CFAP251: variants seen among roughly 807,000 people sequenced by gnomAD.
The protein encoded by CFAP251 is cilia- and flagella-associated protein 251.
Under a neutral mutation model 126.7 loss-of-function variants are expected in CFAP251, and 93 were observed. The ratio of observed to expected loss-of-function variants is 0.73; its 90% CI spans 0.62 to 0.87. CFAP251 has a LOEUF of 0.87. CFAP251 is among the 40% of genes least tolerant of loss of function. CFAP251 has a pLI of 0.00. For synonymous variants in CFAP251, 503 were observed against 506.9 expected, an observed-to-expected ratio of 0.99 and a Z score of 0.10; for missense variants, 1,287 against 1,389.2, an observed-to-expected ratio of 0.93 and a Z score of 1.17.
intron 5 of CFAP251, 66 bp from the exon 6 acceptor site, chr12:121,942,468 C>T (rs1198908907): frequency 8.5e-7 from 1 of 1,177,782 alleles, no homozygotes; most frequent in Non-Finnish European, 1.2e-6. Context: ...CTCAGACCTG[C>T]CCTGGGACTC....
Position 121,958,336 on chromosome 12 carries a change from G to T in CFAP251, c.1795G>T (p.Glu599Ter), listed in dbSNP as rs1881801220. The change falls in exon 12 of 22, where the codon GAG becomes TAG. Residue 599 changes from glutamate to a stop codon, truncating the protein, a stop_gained. Transcript: ENST00000288912. LOFTEE classifies it high-confidence loss of function. ...CTTAACAACAGATGGGACCAAACTT[G>T]AGAAGTTATTTGTAGAGCCCAAGGA... ...YHLTTDGTKL[E>*]KLFVEPKDAI... 1 of 1,614,068 alleles carries T rather than the reference G, an allele frequency of 6.2e-7. No individual in the cohort carries two copies. Among genetic ancestry groups the T allele is most frequent in the Non-Finnish European group, 8.5e-7 (1 of 1,180,052 alleles).
rs1472559361 is a variant in CFAP251, at chr12:122,003,908, T to C, written c.*144T>C. The C allele has an allele frequency of 5.2e-6, 3 of 582,010 alleles. No homozygotes were observed. The highest frequency in any genetic ancestry group is 4.2e-4 in the Middle Eastern group (1 of 2,404). 36.1% of individuals were successfully genotyped at this position (582,010 alleles called of 1,614,324 possible). A position where few individuals can be genotyped will look rare whatever the true frequency, so the allele number is the denominator to read the frequency against. ...TTTAGACATTAAAGCAAGTTTCTGG[T>C]GAGCAATGGAATTCACAAAGTTGGA... On this transcript the variant is annotated 3_prime_UTR_variant, in exon 22 of 22. Transcript: ENST00000288912.
chr12:121,999,974 C>T (rs1048849510), intron 20 of CFAP251, 30 bp downstream of exon 20: 22 of 1,574,452 alleles, frequency 1.4e-5, no homozygotes, highest in Non-Finnish European at 1.9e-5. Flanking sequence ...TGTCTGGTAA[C>T]ATCCTGGGGC....
At chr12:121,922,848 G>A (rs769417909) in intron 2 of CFAP251, among the ~76,000 whole-genome samples, 8 of 152,088 alleles carry the variant, frequency 5.3e-5, no homozygotes, top group Non-Finnish European at 1.0e-4. Context: ...GGAGTACAGT[G>A]GTGCAATCTT....
chr12:121,958,235 A>G, intron 11 of CFAP251, 37 bp from the exon 12 acceptor site: 1 of 1,609,714 alleles, frequency 6.2e-7, no homozygotes, highest in Non-Finnish European at 8.5e-7. Context: ...CATTCCCTGC[A>G]AACACTGATA....
At chr12:121,975,357 C>T (rs779226126) in intron 18 of CFAP251, 23 bp downstream of exon 18, 7 of 1,604,946 alleles carry the variant, frequency 4.4e-6, no homozygotes, top group East Asian at 4.5e-5. Flanking sequence ...AGAGTAAACA[C>T]CTCCTGGTAA....
rs1453897688 is a variant in CFAP251, at chr12:121,966,982, T to C, written c.2520T>C (p.Gly840=). The change falls in exon 16 of 22, where the codon GGT becomes GGC. Residue 840 remains glycine, a synonymous_variant. Coordinates refer to ENST00000288912, the MANE Select transcript of CFAP251 (RefSeq NM_144668.6). ...CRKTLLGPAY[G]SPIEQTQVLP... ...AGACGCTTCTGGGGCCAGCTTATGG[T>C]TCCCCTATTGAGCAGACACAAGTCC... is the stretch of plus-strand genomic sequence containing the variant. The C allele has an allele frequency of 6.2e-7, 1 of 1,614,198 alleles. No homozygotes were observed. The highest frequency in any genetic ancestry group is 8.5e-7 in the Non-Finnish European group (1 of 1,180,028).
intron 19 of CFAP251, 101 bp downstream of exon 19, chr12:121,975,786 TC>T: frequency 7.6e-7 from 1 of 1,309,606 alleles, no homozygotes; most frequent in Non-Finnish European, 1.0e-6. Context: ...TGCACATTTT[TC>T]TTGCATAAAT....
intron 19 of CFAP251, among the ~76,000 whole-genome samples, chr12:121,986,088 T>C (rs1231236350): frequency 3.9e-5 from 6 of 152,124 alleles, no homozygotes; most frequent in Admixed American, 3.9e-4. Flanking sequence ...ACCTCCTGGA[T>C]TCAAGCAATT....
chr12:121,955,820 G>A (rs1372375873), intron 10 of CFAP251: 2 of 152,196 alleles, frequency 1.3e-5, no homozygotes, highest in Non-Finnish European at 1.5e-5. Flanking sequence ...ATCGGTTGGG[G>A]TTTAGGATCC....
At chr12:121,981,538 GT>G (rs1882622444) in intron 19 of CFAP251, among the ~76,000 whole-genome samples, 3 of 152,184 alleles carry the variant, frequency 2.0e-5, no homozygotes, top group Non-Finnish European at 4.4e-5. Context: ...CGCCCCATGG[GT>G]TATTCTGAAG....
In CFAP251 at chr12:121,954,465, A is replaced by T. The variant is rs890803663; in HGVS notation, c.1535+131A>T. 187 of 795,966 alleles carry T rather than the reference A, an allele frequency of 2.3e-4. 1 individual carries two copies. The highest frequency in any genetic ancestry group is 6.0e-4 in the Admixed American group (21 of 34,726). The allele number at this position is 795,966 out of a possible 1,614,324, so 49.3% of individuals were successfully genotyped here. ...TGGGAGGCTGAGGTGGGAGGATCAC[A>T]TGAGGCCAGAAGTTCAAGACCAGCC... On this transcript the variant is annotated intron_variant, in intron 10 of 21. Coordinates refer to ENST00000288912, the MANE Select transcript of CFAP251 (RefSeq NM_144668.6).
intron 15 of CFAP251, among the ~76,000 whole-genome samples, chr12:121,965,406 C>T (rs1273884462): frequency 6.6e-6 from 1 of 152,170 alleles, no homozygotes; most frequent in East Asian, 1.9e-4. Flanking sequence ...TTTATCATAT[C>T]TTCTGACTTC....
rs904907694 is a variant in CFAP251 at position 121,989,223 on chromosome 12, G to A, written c.3007-10493G>A. ...ACCTTTGAAAACATTCACTGGGAAG[G>A]GAAGAGTCCCTGGAGGTGTTTGAGA... On this transcript the variant is annotated intron_variant, in intron 19 of 21. Coordinates refer to ENST00000288912, the MANE Select transcript of CFAP251 (RefSeq NM_144668.6). This position sits in a 1 kb window ranked among gnomAD's most constrained non-coding sequence, Gnocchi z 4.2. Among the ~76,000 whole-genome samples the A allele has an allele frequency of 2.6e-5, 4 of 152,208 alleles. No homozygotes were observed. The highest frequency in any genetic ancestry group is 4.8e-5 in the African/African-American group (2 of 41,436).
At chr12:122,001,824 C>T (rs73415677) in intron 21 of CFAP251, 14,867 of 550,610 alleles carry the variant, frequency 0.027, 1,617 homozygotes, top group African/African-American at 0.24. Context: ...GGCTTATTTT[C>T]CCTTTGTTCC....
At position 121,969,068 on chromosome 12, in the gene CFAP251, C is replaced by CGGTAGT. The variant is rs1375833518; in HGVS notation, c.2771+901_2771+906dup. 6.1e-6 allele frequency: 6 copies of CGGTAGT among 985,386 alleles called. No individual in the cohort carries two copies. The African/African-American group carries it at 1.0e-4, about 17-fold the overall frequency. The allele number at this position is 985,386 out of a possible 1,614,324, so 61.0% of individuals were successfully genotyped here. A position where few individuals can be genotyped will look rare whatever the true frequency, so the allele number is the denominator to read the frequency against. The stretch of plus-strand genomic sequence containing the variant: ...GCCTGTGGCTCGGCTGGGCCTCTCT[C>CGGTAGT]GGTAGTGTGACGTTGAGGAGCAAAA... On this transcript the variant is annotated intron_variant, in intron 17 of 21. Transcript: ENST00000288912.
At chr12:121,978,238 C>T (rs967199785) in intron 19 of CFAP251, among the ~76,000 whole-genome samples, 1 of 149,238 alleles carries the variant, frequency 6.7e-6, no homozygotes, top group Non-Finnish European at 1.5e-5. Flanking sequence ...TAAAAAAATA[C>T]AAAAAATAAG....
intron 19 of CFAP251, chr12:121,997,584 T>TG (rs1883048894): frequency 6.6e-6 from 1 of 151,646 alleles, no homozygotes; most frequent in Non-Finnish European, 1.5e-5. Context: ...TCTTTAGTTT[T>TG]TTTTTTTTTT....
intron 3 of CFAP251, among the ~76,000 whole-genome samples, chr12:121,929,969 T>TG (rs1880613500): frequency 2.0e-5 from 3 of 149,698 alleles, no homozygotes; most frequent in Admixed American, 2.0e-4. Context: ...TGAGCCACTG[T>TG]GCCGGGCCAC....
Sources: allele counts gnomAD v4.1 joint callset (sites outside exome capture counted in the v4.1 genomes callset), GRCh38; gene constraint gnomAD v4.1.1; non-coding constraint Gnocchi (gnomAD v3.1); transcripts MANE v1.5; gene names NCBI Gene and HGNC (gene_info 2026-07-23, HGNC 2026-07-21).